NRG1: variants seen among roughly 807,000 people sequenced by gnomAD.
NRG1 encodes neuregulin 1, also known as pro-neuregulin-1, membrane-bound isoform.
In NRG1, 18 loss-of-function variants were observed where a neutral mutation model predicts 63.8. That is an observed-to-expected ratio of 0.28 (90% CI 0.19 to 0.42). The LOEUF (loss-of-function observed/expected upper bound fraction) is 0.42. Ranked by LOEUF, NRG1 falls within the 10% of genes least tolerant of loss-of-function variation. NRG1 has a pLI of 1.00. For missense variants in NRG1, 762 were observed against 814.7 expected (o/e 0.94, Z 0.79); for synonymous variants, 302 against 301.3 (o/e 1.00, Z -0.02).
In NRG1 at chr8:31,670,338, C is replaced by G. The variant is rs185441683; in HGVS notation, c.37+30907C>G. Among the ~76,000 whole-genome samples the G allele has an allele frequency of 3.3e-5, 5 of 152,284 alleles. No homozygotes were observed. In the East Asian group the frequency reaches 9.7e-4, roughly 29 times the overall value. On this transcript the variant is annotated intron_variant, in intron 1 of 10. Transcript: ENST00000519301. ...CTCCTCTCCAATCCCTGAGCTCCTACACTGCAGGCCTTCCTTTTTATTTTA... is the reference window on the plus strand; with the variant it reads ...CTCCTCTCCAATCCCTGAGCTCCTAGACTGCAGGCCTTCCTTTTTATTTTA...
chr8:32,208,565 T>C (rs918237078), intron 1 of NRG1, among the ~76,000 whole-genome samples: 2 of 152,132 alleles, frequency 1.3e-5, no homozygotes, highest in African/African-American at 4.8e-5. Context: ...GCCAAGTGTT[T>C]TAATTTTTAA....
chr8:32,200,443 A>T (rs1188707072), intron 1 of NRG1, among the ~76,000 whole-genome samples: 1 of 151,818 alleles, frequency 6.6e-6, no homozygotes. Context: ...TCTGTTCTTT[A>T]TATTATGTTA....
chr8:32,481,940 A>G (rs938473851), intron 1 of NRG1, among the ~76,000 whole-genome samples: 1 of 152,214 alleles, frequency 6.6e-6, no homozygotes, highest in Non-Finnish European at 1.5e-5. Flanking sequence ...ACTGGGACTG[A>G]AAGTTCTAGC....
At chr8:32,093,357 T>C (rs184919471) in intron 1 of NRG1, among the ~76,000 whole-genome samples, 36 of 152,334 alleles carry the variant, frequency 2.4e-4, no homozygotes, top group Admixed American at 2.2e-3. Flanking sequence ...AAGGCCTATG[T>C]CACTTGCCTT....
intron 1 of NRG1, among the ~76,000 whole-genome samples, chr8:31,728,896 T>C (rs983410125): frequency 3.3e-5 from 5 of 152,182 alleles, no homozygotes; most frequent in Admixed American, 3.3e-4. Context: ...AGAAAAGGTA[T>C]TGAAATTTTT....
chr8:32,709,800 A>G (rs1817365456), intron 5 of NRG1, among the ~76,000 whole-genome samples: 1 of 152,144 alleles, frequency 6.6e-6, no homozygotes, highest in South Asian at 2.1e-4. Flanking sequence ...AAATGAGTGA[A>G]GATAAGGCTT....
chr8:32,045,899 C>A (rs1228267018), intron 1 of NRG1, among the ~76,000 whole-genome samples: 4 of 151,772 alleles, frequency 2.6e-5, no homozygotes, highest in Non-Finnish European at 5.9e-5. Flanking sequence ...TGAGTTTGGG[C>A]ATATCTAAGA....
chr8:31,765,990 T>C (rs1818018025), intron 1 of NRG1, among the ~76,000 whole-genome samples: 1 of 152,196 alleles, frequency 6.6e-6, no homozygotes, highest in Admixed American at 6.5e-5. Flanking sequence ...TTTTATAGTC[T>C]TCCTTTATCA....
Position 32,748,358 on chromosome 8 carries a change from C to CAGAGAGAGAGAG in NRG1, c.691+5653_691+5664dup, listed in dbSNP as rs34657847. Among the ~76,000 whole-genome samples the CAGAGAGAGAGAG allele has an allele frequency of 2.6e-3, 312 of 121,978 alleles. 3 individuals are homozygous for CAGAGAGAGAGAG. The highest frequency in any genetic ancestry group is 7.4e-3 in the African/African-American group (250 of 33,706). 80.0% of individuals were successfully genotyped at this position (121,978 alleles called of 152,430 possible). A position where few individuals can be genotyped will look rare whatever the true frequency, so the allele number is the denominator to read the frequency against. ...GCGCGCGCACACACACACACACACA[C>CAGAGAGAGAGAG]AGAGAGAGAGAGAGAGAGAGAGAGA... On this transcript the variant is annotated intron_variant, in intron 7 of 11. Coordinates refer to ENST00000356819, the Ensembl canonical transcript of NRG1.
At chr8:32,141,614 A>AT (rs1263489501) in intron 1 of NRG1, among the ~76,000 whole-genome samples, 1 of 138,520 alleles carries the variant, frequency 7.2e-6, no homozygotes, top group East Asian at 2.1e-4. Context: ...ATATATATAT[A>AT]TATATATATA....
intron 2 of NRG1, among the ~76,000 whole-genome samples, chr8:32,600,835 A>C (rs182125704): frequency 1.3e-5 from 2 of 152,088 alleles, no homozygotes; most frequent in African/African-American, 4.8e-5. Context: ...TGAAACACCA[A>C]CCTTCCTCCA....
chr8:32,754,894 T>A (rs1829398695), intron 8 of NRG1, among the ~76,000 whole-genome samples: 1 of 152,182 alleles, frequency 6.6e-6, no homozygotes, highest in Admixed American at 6.6e-5. Flanking sequence ...AGTTAGAGAC[T>A]GACTGCATTC....
chr8:31,815,734 C>T (rs755322066), intron 1 of NRG1, among the ~76,000 whole-genome samples: 16 of 152,292 alleles, frequency 1.1e-4, no homozygotes, highest in African/African-American at 2.2e-4. Flanking sequence ...TCCAATTCTT[C>T]GCATTCTCGC....
chr8:31,798,638 A>T (rs1412129503), intron 1 of NRG1, among the ~76,000 whole-genome samples: 1 of 152,202 alleles, frequency 6.6e-6, no homozygotes, highest in Non-Finnish European at 1.5e-5. Context: ...TGCTTAATAC[A>T]GAATATGTGC....
In NRG1 at chr8:32,742,721, G is replaced by A. The variant is rs772466472; in HGVS notation, c.679G>A (p.Ala227Thr). The A allele has an allele frequency of 6.2e-7, 1 of 1,613,582 alleles. No individual in the cohort carries two copies. Among genetic ancestry groups the A allele is most frequent in the East Asian group, 2.2e-5 (1 of 44,860 alleles). Residue 227 changes from alanine (A) to threonine (T), a missense_variant, in exon 7 of 12, where the codon GCC becomes ACC. Around this residue, in one of 3 missense-constraint regions of NRG1, gnomAD observed 122 missense variants for 190.1 expected, o/e 0.64. Coordinates refer to ENST00000356819, the Ensembl canonical transcript of NRG1. This position sits in a 1 kb window ranked among gnomAD's most constrained non-coding sequence, Gnocchi z 4.2. ...TGATCGCTGCCAAAACTACGTAATG[G>A]CCAGCTTCTACAGTACGTCCACTCC...
In NRG1 at chr8:32,742,060, G is replaced by T. The variant is rs536583262; in HGVS notation, c.633-615G>T. ...ATGTACTGAGAATGTGCCCATGAAA[G>T]TCCAAAACCAAGAAAGTATGTCAAA... On this transcript the variant is annotated intron_variant, in intron 6 of 11. Transcript: ENST00000356819. This position sits in a 1 kb window ranked among gnomAD's most constrained non-coding sequence, Gnocchi z 4.2. The T allele has an allele frequency of 1.5e-5, 24 of 1,613,532 alleles. No individual in the cohort carries two copies. The African/African-American group carries it at 3.1e-4, about 21-fold the overall frequency.
At chr8:32,609,555 CT>C (rs1845944370) in intron 3 of NRG1, among the ~76,000 whole-genome samples, 1 of 19,658 alleles carries the variant, frequency 5.1e-5, no homozygotes, top group African/African-American at 1.0e-4. Flanking sequence ...TCCCTCCCTC[CT>C]TCCTTCCTTC....
At chr8:32,549,242 C>T (rs1210443682) in intron 1 of NRG1, among the ~76,000 whole-genome samples, 1 of 152,250 alleles carries the variant, frequency 6.6e-6, no homozygotes, top group African/African-American at 2.4e-5. Flanking sequence ...TAGCGGGAAA[C>T]GCTGGAATGG....
intron 1 of NRG1, among the ~76,000 whole-genome samples, chr8:32,008,556 T>G (rs939731729): frequency 6.6e-6 from 1 of 152,076 alleles, no homozygotes; most frequent in Non-Finnish European, 1.5e-5. Flanking sequence ...TATTTTATAC[T>G]AATATCTATG....
Sources: allele counts gnomAD v4.1 joint callset (sites outside exome capture counted in the v4.1 genomes callset), GRCh38; gene constraint gnomAD v4.1.1; regional missense constraint gnomAD v4.1.1; non-coding constraint Gnocchi (gnomAD v3.1); transcripts MANE v1.5; gene names NCBI Gene and HGNC (gene_info 2026-07-23, HGNC 2026-07-21).